DLC1: variants seen among roughly 807,000 people sequenced by gnomAD.
The protein encoded by DLC1 is rho GTPase-activating protein 7.
DLC1 carries 54 observed loss-of-function variants against 140.3 expected under a neutral mutation model. The ratio of observed to expected loss-of-function variants is 0.38; its 90% CI spans 0.31 to 0.48. The LOEUF (loss-of-function observed/expected upper bound fraction) is 0.48. Among genes scored for constraint, DLC1 ranks in the 20% least tolerant of loss-of-function variants. The probability of loss-of-function intolerance (pLI) is 0.96; values close to 1 mark genes in which losing one functional copy is unlikely to be tolerated. For synonymous variants in DLC1, 986 were observed against 728.1 expected (o/e 1.35, Z -5.70); for missense variants, 2,536 against 1,907.0 (o/e 1.33, Z -6.14).
At chr8:13,090,151 A>T in intron 15 of DLC1, 101 bp downstream of exon 15, 2 of 1,143,866 alleles carry the variant, frequency 1.7e-6, no homozygotes, top group Non-Finnish European at 2.5e-6. Context: ...GTTGTGGGCT[A>T]CAGATCCCCA....
intron 4 of DLC1, among the ~76,000 whole-genome samples, chr8:13,378,548 C>G (rs1348924462): frequency 1.3e-5 from 2 of 152,088 alleles, no homozygotes; most frequent in Non-Finnish European, 2.9e-5. Flanking sequence ...AAAGATTCTT[C>G]TACAGATACT....
intron 5 of DLC1, among the ~76,000 whole-genome samples, chr8:13,217,984 C>A (rs1407816500): frequency 6.6e-6 from 1 of 152,086 alleles, no homozygotes; most frequent in Non-Finnish European, 1.5e-5. Context: ...ACATAAAATA[C>A]CAGAAACATG....
intron 5 of DLC1, among the ~76,000 whole-genome samples, chr8:13,141,415 C>G (rs905646375): frequency 6.6e-6 from 1 of 152,052 alleles, no homozygotes; most frequent in Non-Finnish European, 1.5e-5. Flanking sequence ...TAAATCAATC[C>G]TGGAAAATCT....
intron 1 of DLC1, among the ~76,000 whole-genome samples, chr8:13,543,780 G>A (rs1306361128): frequency 6.6e-6 from 1 of 152,110 alleles, no homozygotes; most frequent in African/African-American, 2.4e-5. Flanking sequence ...CTGTAATTGG[G>A]AGCTAAGCTA....
intron 5 of DLC1, among the ~76,000 whole-genome samples, chr8:13,189,983 A>G (rs557630244): frequency 4.6e-5 from 7 of 152,284 alleles, no homozygotes; most frequent in Middle Eastern, 3.4e-3. Context: ...GAGGTTTAGA[A>G]GGATCCAAAA....
chr8:13,119,907 C>G (rs1019181480), intron 5 of DLC1, among the ~76,000 whole-genome samples: 3 of 149,248 alleles, frequency 2.0e-5, no homozygotes, highest in African/African-American at 4.9e-5. Flanking sequence ...TACAGTGAGA[C>G]TCTATCTAAA....
intron 1 of DLC1, among the ~76,000 whole-genome samples, chr8:13,583,246 A>G (rs371539154): frequency 6.0e-4 from 91 of 152,296 alleles, no homozygotes; most frequent in African/African-American, 2.0e-3. Context: ...CTTGGAGTCA[A>G]TTCTCTCAAA....
Position 13,148,437 on chromosome 8 carries a change from C to T in DLC1, c.1349-32780G>A, listed in dbSNP as rs112191331. 9.6e-3 allele frequency among the ~76,000 whole-genome samples: 1,465 copies of T among 152,324 alleles called. 18 individuals are homozygous for T. The highest frequency in any genetic ancestry group is 0.033 in the African/African-American group (1,353 of 41,570). ...TGAGGATAATAGCCTCCAGCTCCAT[C>T]CACATTCCCGCAAAAGACAGGGTTC... On this transcript the variant is annotated intron_variant, in intron 5 of 17. Transcript: ENST00000276297.
intron 2 of DLC1, among the ~76,000 whole-genome samples, chr8:13,446,492 C>A (rs1174704874): frequency 6.6e-6 from 1 of 151,654 alleles, no homozygotes; most frequent in East Asian, 1.9e-4. Flanking sequence ...AGTTTTAAAT[C>A]ATCATACACT....
At chr8:13,541,580 C>A (rs368268165) in intron 1 of DLC1, among the ~76,000 whole-genome samples, 5 of 152,138 alleles carry the variant, frequency 3.3e-5, no homozygotes, top group Non-Finnish European at 5.9e-5. Context: ...GCCGGGGTCT[C>A]ACTCTGTCGC....
intron 4 of DLC1, chr8:13,341,200 C>CA (rs1834027783): frequency 6.6e-6 from 1 of 152,048 alleles, no homozygotes. Flanking sequence ...ATAACAAAGA[C>CA]AAAAAGAAGA....
rs958572446 is a variant in DLC1, at chr8:13,180,090, AT to A, written c.1349-64434del. Among the ~76,000 whole-genome samples, 43 of 152,316 alleles carry A rather than the reference AT, an allele frequency of 2.8e-4. 1 individual carries two copies. The highest frequency in any genetic ancestry group is 1.9e-3 in the Admixed American group (29 of 15,298). ...TGTAGTATTAGCAATCCAGGTACTT[AT>A]CCAAGGGAGATGGTGTTTACAGACA... On this transcript the variant is annotated intron_variant, in intron 5 of 17. Transcript: ENST00000276297.
intron 5 of DLC1, among the ~76,000 whole-genome samples, chr8:13,255,841 C>G (rs1403392898): frequency 1.3e-5 from 2 of 152,204 alleles, no homozygotes; most frequent in Non-Finnish European, 2.9e-5. Flanking sequence ...ATAAGAAGTA[C>G]TCACTTAATA....
In DLC1 at chr8:13,479,841, GA is replaced by G. The variant is rs1563383539; in HGVS notation, c.1023+19207del. 5.7e-4 allele frequency among the ~76,000 whole-genome samples: 33 copies of G among 57,456 alleles called. 1 individual carries two copies. The highest frequency in any genetic ancestry group is 1.7e-3 in the African/African-American group (29 of 17,502). 37.7% of individuals were successfully genotyped at this position (57,456 alleles called of 152,430 possible). On this transcript the variant is annotated intron_variant, in intron 2 of 17. Coordinates refer to ENST00000276297, the MANE Select transcript of DLC1 (RefSeq NM_182643.3). ...AGAAGAAGAAGAAGAAGAAGAAGAA[GA>G]AGAAGAAGAAGAAGAAGAGAAAAAG...
chr8:13,486,841 C>G (rs1310930911), intron 2 of DLC1, among the ~76,000 whole-genome samples: 1 of 152,152 alleles, frequency 6.6e-6, no homozygotes, highest in Non-Finnish European at 1.5e-5. Context: ...AAGGGATGTC[C>G]TTGATGAATG....
At chr8:13,461,832 A>G (rs1217753426) in intron 2 of DLC1, among the ~76,000 whole-genome samples, 1 of 152,110 alleles carries the variant, frequency 6.6e-6, no homozygotes, top group Non-Finnish European at 1.5e-5. Flanking sequence ...ACCCCGTACT[A>G]TCTTCCTCAT....
Position 13,097,219 on chromosome 8 carries a change from AG to A in DLC1, c.3167+1179del, listed in dbSNP as rs912609816. ...AAAAGTAACCTGAATTCTTTAGCAC[AG>A]GTGGATGCTACAAATATTCACATCC... On this transcript the variant is annotated intron_variant, in intron 10 of 17. Coordinates refer to ENST00000276297, the MANE Select transcript of DLC1 (RefSeq NM_182643.3). Among the ~76,000 whole-genome samples, 3 of 151,212 alleles carry A rather than the reference AG, an allele frequency of 2.0e-5. No individual in the cohort carries two copies. The Admixed American group carries it at 2.0e-4, about 10-fold the overall frequency.
intron 2 of DLC1, among the ~76,000 whole-genome samples, chr8:13,462,692 C>T (rs1799728093): frequency 6.6e-6 from 1 of 152,126 alleles, no homozygotes; most frequent in Admixed American, 6.5e-5. Flanking sequence ...AGGCGTGAGC[C>T]ACCGCGCCCG....
chr8:13,544,622 G>C (rs542695611), intron 1 of DLC1, among the ~76,000 whole-genome samples: 1 of 152,140 alleles, frequency 6.6e-6, no homozygotes, highest in East Asian at 1.9e-4. Flanking sequence ...GCTCTTGAGA[G>C]TAATCATAGA....
Sources: gnomAD v4.1 joint callset for allele counts (sites outside exome capture counted in the v4.1 genomes callset) on GRCh38, gnomAD v4.1.1 for gene constraint, MANE v1.5 for transcripts, NCBI Gene and HGNC (gene_info 2026-07-23, HGNC 2026-07-21) for gene names.